Variants in CORIN observed in about 807,000 individuals in gnomAD.
CORIN encodes atrial natriuretic peptide-converting enzyme.
CORIN carries 117 observed loss-of-function variants against 125.3 expected under a neutral mutation model. The ratio of observed to expected loss-of-function variants is 0.93; its 90% CI spans 0.80 to 1.09. The LOEUF is 1.09. Ranked by LOEUF, CORIN falls within the 50% of genes least tolerant of loss-of-function variation. CORIN has a pLI of 0.00. For missense variants in CORIN, 1,253 were observed against 1,306.7 expected, an observed-to-expected ratio of 0.96 and a Z score of 0.63; for synonymous variants, 450 against 466.4, an observed-to-expected ratio of 0.96 and a Z score of 0.45.
intron 11 of CORIN, among the ~76,000 whole-genome samples, chr4:47,663,887 C>A (rs979503472): frequency 2.0e-5 from 3 of 152,070 alleles, no homozygotes; most frequent in Admixed American, 1.3e-4. Context: ...TAGTTTTATT[C>A]TCTCTATTGG....
At chr4:47,725,384 C>T (rs1004400086) in intron 5 of CORIN, among the ~76,000 whole-genome samples, 10 of 151,982 alleles carry the variant, frequency 6.6e-5, no homozygotes, top group African/African-American at 2.4e-4. Flanking sequence ...AATATCAAGC[C>T]ATACTAATCA....
At position 47,672,971 on chromosome 4, in the gene CORIN, G is replaced by T. The variant is rs528452232; in HGVS notation, c.1357+1422C>A. Among the ~76,000 whole-genome samples, 7 of 152,084 alleles carry T rather than the reference G, an allele frequency of 4.6e-5. No homozygotes were observed. In the Middle Eastern group the frequency reaches 0.014, roughly 296 times the overall value. ...TCACTATAAGCTCTACAGTGACCCA[G>T]AAAAATTAGGACCGCGAAACTGCAG... On this transcript the variant is annotated intron_variant, in intron 10 of 21. Transcript: ENST00000273857.
intron 13 of CORIN, among the ~76,000 whole-genome samples, chr4:47,645,760 C>T (rs1723442593): frequency 6.6e-6 from 1 of 151,990 alleles, no homozygotes; most frequent in Admixed American, 6.6e-5. Context: ...GTAGTGCGTG[C>T]CTGTAATCCC....
intron 10 of CORIN, among the ~76,000 whole-genome samples, chr4:47,671,792 T>G (rs976730177): frequency 2.6e-5 from 4 of 151,948 alleles, no homozygotes; most frequent in Admixed American, 1.3e-4. Context: ...GGTATCACCA[T>G]GTTAGCCAGG....
chr4:47,648,742 G>A (rs774575129), intron 13 of CORIN, among the ~76,000 whole-genome samples: 3 of 152,192 alleles, frequency 2.0e-5, no homozygotes, highest in Non-Finnish European at 4.4e-5. Context: ...ACCCTTTGGA[G>A]TGGAGCCGCT....
intron 7 of CORIN, 78 bp from the exon 8 acceptor site, chr4:47,680,329 T>C (rs775364595): frequency 2.7e-5 from 26 of 957,340 alleles, no homozygotes; most frequent in Non-Finnish European, 3.9e-5. Context: ...CCAGTTCCCA[T>C]CGAAGAGAGT....
At chr4:47,804,502 A>T (rs967856101) in intron 2 of CORIN, among the ~76,000 whole-genome samples, 1 of 152,176 alleles carries the variant, frequency 6.6e-6, no homozygotes, top group Admixed American at 6.5e-5. Context: ...TGGTGCATAT[A>T]TACAATGGAG....
intron 14 of CORIN, among the ~76,000 whole-genome samples, chr4:47,644,087 G>A (rs76475754): frequency 1.6e-4 from 24 of 152,248 alleles, no homozygotes; most frequent in African/African-American, 5.8e-4. Context: ...TTCTCCCTGC[G>A]TGGTGCTTCT....
intron 2 of CORIN, among the ~76,000 whole-genome samples, chr4:47,798,115 A>C (rs1289136007): frequency 6.6e-6 from 1 of 152,184 alleles, no homozygotes; most frequent in Non-Finnish European, 1.5e-5. Flanking sequence ...AAAACTAAAC[A>C]ACCTTTGTAG....
At chr4:47,708,234 G>C (rs1002206926) in intron 5 of CORIN, among the ~76,000 whole-genome samples, 27 of 152,150 alleles carry the variant, frequency 1.8e-4, no homozygotes, top group African/African-American at 5.3e-4. Flanking sequence ...AGTCCAACAG[G>C]GGTCTCACTG....
intron 19 of CORIN, among the ~76,000 whole-genome samples, chr4:47,609,026 ATAT>A (rs1721766603): frequency 6.6e-6 from 1 of 152,134 alleles, no homozygotes; most frequent in Admixed American, 6.5e-5. Flanking sequence ...AATAAAGTTA[ATAT>A]TATAATTAAC....
At chr4:47,660,496 T>C (rs1408749531) in intron 12 of CORIN, among the ~76,000 whole-genome samples, 2 of 152,100 alleles carry the variant, frequency 1.3e-5, no homozygotes, top group Non-Finnish European at 2.9e-5. Context: ...ACTAATAATC[T>C]GATTTAAAAA....
chr4:47,751,255 A>T (rs1728884829), intron 4 of CORIN, among the ~76,000 whole-genome samples: 1 of 152,138 alleles, frequency 6.6e-6, no homozygotes, highest in African/African-American at 2.4e-5. Context: ...CTCCTCCTTC[A>T]CATACATTAT....
intron 5 of CORIN, among the ~76,000 whole-genome samples, chr4:47,698,992 C>A (rs551228834): frequency 6.6e-6 from 1 of 152,304 alleles, no homozygotes; most frequent in African/African-American, 2.4e-5. Flanking sequence ...GGCTCTACAT[C>A]TAGGTTCGTG....
intron 19 of CORIN, among the ~76,000 whole-genome samples, chr4:47,623,094 C>CTATATATATATA (rs1422298384): frequency 9.9e-6 from 1 of 101,438 alleles, no homozygotes; most frequent in African/African-American, 4.2e-5. Flanking sequence ...CTCTCTCTCT[C>CTATATATATATA]TCTATATATA....
At chr4:47,802,020 T>C (rs940821903) in intron 2 of CORIN, among the ~76,000 whole-genome samples, 1 of 152,138 alleles carries the variant, frequency 6.6e-6, no homozygotes, top group Non-Finnish European at 1.5e-5. Flanking sequence ...GCACAGCAAC[T>C]GGGGGACTTT....
intron 1 of CORIN, among the ~76,000 whole-genome samples, chr4:47,829,238 C>A (rs1732872451): frequency 7.1e-6 from 1 of 139,888 alleles, no homozygotes; most frequent in African/African-American, 2.7e-5. Flanking sequence ...ATTATGAAAT[C>A]TTGGATACAT....
intron 3 of CORIN, among the ~76,000 whole-genome samples, chr4:47,773,933 G>T (rs1013021014): frequency 6.6e-6 from 1 of 151,526 alleles, no homozygotes; most frequent in Non-Finnish European, 1.5e-5. Context: ...ACCTTTTGGG[G>T]AGACAAACAT....
chr4:47,640,487 G>A (rs1289883837), intron 16 of CORIN, among the ~76,000 whole-genome samples: 1 of 152,194 alleles, frequency 6.6e-6, no homozygotes, highest in Non-Finnish European at 1.5e-5. Flanking sequence ...CAGTGGGTAC[G>A]AGAAAATGGA....
Sources: gnomAD v4.1 joint callset for allele counts (sites outside exome capture counted in the v4.1 genomes callset) on GRCh38, gnomAD v4.1.1 for gene constraint, MANE v1.5 for transcripts, NCBI Gene and HGNC (gene_info 2026-07-23, HGNC 2026-07-21) for gene names.